The following EP400 variants were observed in gnomAD, a reference collection of about 807,000 sequenced individuals.
EP400 encodes E1A binding protein p400.
A neutral mutation model predicts 354.1 loss-of-function variants in EP400; 105 were observed. The observed-to-expected ratio is 0.30, with a 90% CI of 0.25 to 0.35. EP400 has a LOEUF of 0.35. Among genes scored for constraint, EP400 ranks in the 10% least tolerant of loss-of-function variants. The pLI is 1.00. For synonymous variants in EP400, 1,646 were observed against 1,716.9 expected (o/e 0.96, Z 1.02); for missense variants, 3,280 against 4,121.0 (o/e 0.80, Z 5.59).
rs142697443 is a variant in EP400 at position 132,037,372 on chromosome 12, C to G, written c.5952-310C>G. ...GAGAAGATAGATGCTGGAGGTACAT[C>G]TGGAAGGACCAGGTGGGACATTTCC... On this transcript the variant is annotated intron_variant, in intron 30 of 52. Coordinates refer to ENST00000389561, the MANE Select transcript of EP400 (RefSeq NM_015409.5). 4.2e-4 allele frequency among the ~76,000 whole-genome samples: 64 copies of G among 152,314 alleles called. 1 individual carries two copies. The highest frequency in any genetic ancestry group is 1.4e-3 in the African/African-American group (59 of 41,558).
intron 15 of EP400, among the ~76,000 whole-genome samples, chr12:132,008,270 C>T (rs548344912): frequency 4.3e-4 from 66 of 152,272 alleles, no homozygotes; most frequent in African/African-American, 1.5e-3. Flanking sequence ...TTAACAGTTC[C>T]CTTCTAAGCT....
rs867104045 is a variant in EP400 at position 132,003,687 on chromosome 12, G to A, written c.2828-1390G>A. ...CTGTAGTGGTGCATCCCAGCATTTC[G>A]CTCTGGAAGCATCAGACAGACAGGA... On this transcript the variant is annotated intron_variant, in intron 12 of 52. Coordinates refer to ENST00000389561, the MANE Select transcript of EP400 (RefSeq NM_015409.5). Among the ~76,000 whole-genome samples the A allele has an allele frequency of 4.6e-5, 7 of 152,134 alleles. No individual in the cohort carries two copies. The East Asian group carries it at 7.7e-4, about 17-fold the overall frequency.
At chr12:131,987,036 T>C (rs912371363) in intron 6 of EP400, among the ~76,000 whole-genome samples, 2 of 152,152 alleles carry the variant, frequency 1.3e-5, no homozygotes, top group African/African-American at 2.4e-5. Context: ...GCTGCTTTCA[T>C]ATGGGCAGTA....
chr12:132,031,545 A>C (rs757908247), intron 29 of EP400, among the ~76,000 whole-genome samples: 1 of 152,116 alleles, frequency 6.6e-6, no homozygotes, highest in African/African-American at 2.4e-5. Flanking sequence ...AATACAAACC[A>C]AGCAGTTTTG....
chr12:131,976,039 C>T (rs1892461493), intron 2 of EP400, among the ~76,000 whole-genome samples: 2 of 152,122 alleles, frequency 1.3e-5, no homozygotes, highest in East Asian at 3.9e-4. Context: ...TACGCCTATC[C>T]AATGAATTTT....
Position 132,025,722 on chromosome 12 carries a change from G to C in EP400, c.4932G>C (p.Val1644=), listed in dbSNP as rs1894282891. 1 of 1,613,246 alleles carries C rather than the reference G, an allele frequency of 6.2e-7. No individual in the cohort carries two copies. Among genetic ancestry groups the C allele is most frequent in the African/African-American group, 1.3e-5 (1 of 75,056 alleles). Residue 1644 remains valine (V), a synonymous_variant, in exon 25 of 53, where the codon GTG becomes GTC. Transcript: ENST00000389561. The surrounding 1 kb of genome is among the most constrained non-coding windows in gnomAD (Gnocchi z 4.1). ...RAPGPVVMQT[V]SQAGAVHGAL... ...CTGGCCCTGTGGTGATGCAGACCGT[G>C]TCTCAGGCGGGCGCTGTGCACGGCG...
Position 132,054,880 on chromosome 12 carries a change from T to C in EP400, c.7729-94T>C. ...GTGGCTGTGTGAATGTCGTGGAGTT[T>C]GGATTTGATTCTGAATGAAGTGGAA... On this transcript the variant is annotated intron_variant, in intron 43 of 52. Coordinates refer to ENST00000389561, the MANE Select transcript of EP400 (RefSeq NM_015409.5). The surrounding 1 kb of genome is among the most constrained non-coding windows in gnomAD (Gnocchi z 4.0). 1 of 1,316,452 alleles carries C rather than the reference T, an allele frequency of 7.6e-7. No homozygotes were observed. The highest frequency in any genetic ancestry group is 1.2e-5 in the South Asian group (1 of 82,902). 81.5% of individuals were successfully genotyped at this position (1,316,452 alleles called of 1,614,324 possible).
intron 1 of EP400, among the ~76,000 whole-genome samples, chr12:131,953,045 G>C (rs1891568907): frequency 1.3e-5 from 2 of 152,124 alleles, no homozygotes; most frequent in Admixed American, 6.5e-5. Flanking sequence ...TTCTCAGTGA[G>C]GGCGATATCT....
intron 2 of EP400, 98 bp downstream of exon 2, chr12:131,962,052 T>A (rs1372107173): frequency 1.4e-6 from 2 of 1,411,872 alleles, no homozygotes; most frequent in Non-Finnish European, 1.9e-6. Context: ...CCTGCGGTAT[T>A]TCTAAGGTAT....
chr12:132,074,361 G>A (rs1896164639), intron 51 of EP400, among the ~76,000 whole-genome samples: 2 of 152,068 alleles, frequency 1.3e-5, no homozygotes, highest in Non-Finnish European at 2.9e-5. Context: ...GCCTGTTATT[G>A]AGACGTTGTC....
Position 131,966,562 on chromosome 12 carries a change from C to CAAAAAAAAAAA in EP400, c.1335+4623_1335+4633dup, listed in dbSNP as rs534384776. On this transcript the variant is annotated intron_variant, in intron 2 of 52. Transcript: ENST00000389561. Reference sequence around the variant, plus strand: ...TGGGCCACAGAGTGATACCCTACCTCAAAAAAAAAAAAAAAAAAAAAAAAA... The same window carrying CAAAAAAAAAAA: ...TGGGCCACAGAGTGATACCCTACCTCAAAAAAAAAAAAAAAAAAAAAAAAAAAAAAAAAAAA... 4.3e-4 allele frequency among the ~76,000 whole-genome samples: 25 copies of CAAAAAAAAAAA among 57,514 alleles called. 1 individual carries two copies. Among genetic ancestry groups the CAAAAAAAAAAA allele is most frequent in the African/African-American group, 1.4e-3 (25 of 17,410 alleles). 37.7% of individuals were successfully genotyped at this position (57,514 alleles called of 152,430 possible). A position where few individuals can be genotyped will look rare whatever the true frequency, so the allele number is the denominator to read the frequency against.
rs144018934 is a variant in EP400 at position 132,064,781 on chromosome 12, G to T, written c.8448G>T (p.Ser2816=). 1 of 1,612,658 alleles carries T rather than the reference G, an allele frequency of 6.2e-7. No individual in the cohort carries two copies. The highest frequency in any genetic ancestry group is 2.2e-5 in the East Asian group (1 of 44,876). ...QPTAQVQVQT[S]QPPQQQSPQL... Reference sequence around the variant, plus strand: ...CAGCCCAAGTGCAAGTGCAGACCTCGCAGCCGCCGCAGCAGCAGAGCCCCC... The same window carrying T: ...CAGCCCAAGTGCAAGTGCAGACCTCTCAGCCGCCGCAGCAGCAGAGCCCCC... The change falls in exon 48 of 53, where the codon TCG becomes TCT. Residue 2816 remains serine (S), a synonymous_variant. Coordinates refer to ENST00000389561, the MANE Select transcript of EP400 (RefSeq NM_015409.5).
intron 29 of EP400, among the ~76,000 whole-genome samples, chr12:132,031,579 G>C (rs943718262): frequency 6.6e-6 from 1 of 152,144 alleles, no homozygotes; most frequent in Non-Finnish European, 1.5e-5. Context: ...TCTTTTTTGA[G>C]ACAGAGTCCT....
At chr12:132,047,573 G>A (rs1227124655) in intron 39 of EP400, among the ~76,000 whole-genome samples, 1 of 152,222 alleles carries the variant, frequency 6.6e-6, no homozygotes, top group Non-Finnish European at 1.5e-5. Context: ...TGTATGAATA[G>A]GGTGTGGGTC....
chr12:132,027,337 G>A lies in EP400; in HGVS notation c.5015-100G>A, dbSNP rs1266088995. On this transcript the variant is annotated intron_variant, in intron 25 of 52. Coordinates refer to ENST00000389561, the MANE Select transcript of EP400 (RefSeq NM_015409.5). The surrounding 1 kb of genome is among the most constrained non-coding windows in gnomAD (Gnocchi z 4.9). ...CCGTTGCAGAATGACTTTCTGTGGA[G>A]TGTGCTGGTGGAGGGTGAGGTTCCA... 5 of 1,155,704 alleles carry A rather than the reference G, an allele frequency of 4.3e-6. No individual in the cohort carries two copies. Among genetic ancestry groups the A allele is most frequent in the Non-Finnish European group, 6.4e-6 (5 of 775,334 alleles). The allele number at this position is 1,155,704 out of a possible 1,614,324, so 71.6% of individuals were successfully genotyped here.
rs756242454 is a variant in EP400 at position 132,033,542 on chromosome 12, CT to C, written c.5951+1408del. 2.4e-3 allele frequency among the ~76,000 whole-genome samples: 332 copies of C among 139,712 alleles called. 1 individual carries two copies. The highest frequency in any genetic ancestry group is 3.1e-3 in the African/African-American group (117 of 38,288). 91.7% of individuals were successfully genotyped at this position (139,712 alleles called of 152,430 possible). On this transcript the variant is annotated intron_variant, in intron 30 of 52. Transcript: ENST00000389561. Reference sequence around the variant, plus strand: ...CTAAAACCCAAGTGTGCTTTAACCTCTTTTTTTTTTTTTTTGAGACGGTCTG... The same window carrying C: ...CTAAAACCCAAGTGTGCTTTAACCTCTTTTTTTTTTTTTTGAGACGGTCTG...
chr12:131,980,762 C>G (rs1310116343), intron 3 of EP400, among the ~76,000 whole-genome samples: 2 of 152,112 alleles, frequency 1.3e-5, no homozygotes, highest in Non-Finnish European at 2.9e-5. Flanking sequence ...ACTATGTTGC[C>G]CAGGCTGGTC....
chr12:132,034,144 A>G (rs954511649), intron 30 of EP400, among the ~76,000 whole-genome samples: 1 of 152,190 alleles, frequency 6.6e-6, no homozygotes, highest in Non-Finnish European at 1.5e-5. Flanking sequence ...TGCATGGTTT[A>G]TGTTGAATGG....
At chr12:131,967,523 A>T (rs1479166299) in intron 2 of EP400, among the ~76,000 whole-genome samples, 1 of 151,188 alleles carries the variant, frequency 6.6e-6, no homozygotes, top group Admixed American at 6.6e-5. Context: ...CCCCATCTCT[A>T]CTTAAAAAAA....
Sources: gnomAD v4.1 joint callset for allele counts (sites outside exome capture counted in the v4.1 genomes callset) on GRCh38, gnomAD v4.1.1 for gene constraint, Gnocchi (gnomAD v3.1) non-coding constraint, MANE v1.5 for transcripts, NCBI Gene and HGNC (gene_info 2026-07-23, HGNC 2026-07-21) for gene names.